The following CFAP92 variants were observed in gnomAD, a reference collection of about 807,000 sequenced individuals.
CFAP92 encodes uncharacterized protein CFAP92.
CFAP92 carries 86 observed loss-of-function variants against 106.3 expected under a neutral mutation model. The observed-to-expected ratio is 0.81, with a 90% CI of 0.68 to 0.97. The LOEUF is 0.97. CFAP92 is among the 50% of genes least tolerant of loss of function. CFAP92 has a pLI of 0.00. For missense variants in CFAP92, 1,204 were observed against 1,283.8 expected (o/e 0.94, Z 0.95); for synonymous variants, 477 against 506.4 (o/e 0.94, Z 0.78).
At chr3:128,944,301 A>G (rs991712236) in intron 10 of CFAP92, among the ~76,000 whole-genome samples, 1 of 151,922 alleles carries the variant, frequency 6.6e-6, no homozygotes, top group African/African-American at 2.4e-5. Flanking sequence ...TTGTGTGGAC[A>G]TATGTTTTCA....
At chr3:128,922,897 CT>C (rs1937410510) in intron 12 of CFAP92, among the ~76,000 whole-genome samples, 1 of 152,182 alleles carries the variant, frequency 6.6e-6, no homozygotes, top group South Asian at 2.1e-4. Context: ...TTAAGGATTG[CT>C]TTTTTGCTAT....
chr3:128,986,197 A>T (rs1943846581), intron 4 of CFAP92, among the ~76,000 whole-genome samples: 1 of 152,112 alleles, frequency 6.6e-6, no homozygotes, highest in Non-Finnish European at 1.5e-5. Context: ...GACAACGATA[A>T]TAGTACCATA....
rs147021833 is a variant in CFAP92, at chr3:128,945,788, C to T, written c.1541G>A (p.Arg514Gln). The T allele has an allele frequency of 1.3e-4, 204 of 1,528,172 alleles. No homozygotes were observed. The highest frequency in any genetic ancestry group is 6.6e-4 in the East Asian group (27 of 40,870). The allele number at this position is 1,528,172 out of a possible 1,614,324, so 94.7% of individuals were successfully genotyped here. A position where few individuals can be genotyped will look rare whatever the true frequency, so the allele number is the denominator to read the frequency against. The change falls in exon 10 of 16, where the codon CGG becomes CAG. Residue 514 changes from arginine (R) to glutamine (Q), a missense_variant. Transcript: ENST00000645291. ...GPPMVVEVHDRDRKSEECSQK... is the reference protein window; with the variant it reads ...GPPMVVEVHDQDRKSEECSQK... ...AGAACACTCCTCTGACTTGCGGTCC[C>T]GGTCGTGAACTTCCACCACCATGGG...
chr3:129,000,631 C>T (rs576458253), intron 1 of CFAP92, among the ~76,000 whole-genome samples: 3 of 152,298 alleles, frequency 2.0e-5, no homozygotes, highest in African/African-American at 7.2e-5. Context: ...CTAGCACTCA[C>T]CAGAGAAGCA....
At chr3:129,008,325 T>TC in the CFAP92 span, among the ~76,000 whole-genome samples, 1 of 152,340 alleles carries the variant, frequency 6.6e-6, no homozygotes, top group South Asian at 2.1e-4. Context: ...CTGTCCCTAA[T>TC]CCCTCCATGG....
At chr3:128,917,388 C>T (rs886210429) in intron 12 of CFAP92, among the ~76,000 whole-genome samples, 1 of 152,310 alleles carries the variant, frequency 6.6e-6, no homozygotes, top group Admixed American at 6.5e-5. Context: ...TCCTTTCTTA[C>T]AATTTGAAGT....
intron 15 of CFAP92, among the ~76,000 whole-genome samples, chr3:128,912,149 A>G (rs1936395841): frequency 6.6e-6 from 1 of 152,326 alleles, no homozygotes; most frequent in South Asian, 2.1e-4. Context: ...CCCTGGGGGT[A>G]GCCCAGACAC....
At chr3:128,999,728 T>TGGG (rs150816624) in intron 1 of CFAP92, among the ~76,000 whole-genome samples, 5,449 of 150,640 alleles carry the variant, frequency 0.036, 260 homozygotes, top group African/African-American at 0.1. Flanking sequence ...TTAGTAGAGA[T>TGGG]GGGGGTGGTT....
At position 128,932,859 on chromosome 3, in the gene CFAP92, T is replaced by G; in HGVS notation, c.2592A>C (p.Lys864Asn). 1 of 1,536,166 alleles carries G rather than the reference T, an allele frequency of 6.5e-7. No individual in the cohort carries two copies. The highest frequency in any genetic ancestry group is 8.7e-7 in the Non-Finnish European group (1 of 1,146,914). The change falls in exon 12 of 16, where the codon AAA becomes AAC. Residue 864 changes from lysine to asparagine, a missense_variant. By Grantham distance (94) the Lys-to-Asn change is moderately conservative (BLOSUM62 0). Transcript: ENST00000645291. ...CAGGCTGAGGTGGTAGGGCAAACAGTTTCTCATCTGTGAGTTCTTCTTGCG... is the reference window on the plus strand; with the variant it reads ...CAGGCTGAGGTGGTAGGGCAAACAGGTTCTCATCTGTGAGTTCTTCTTGCG... ...PLSQEELTDE[K>N]LFALPPQPAP...
At chr3:129,015,870 G>A in the CFAP92 span, among the ~76,000 whole-genome samples, 3 of 151,878 alleles carry the variant, frequency 2.0e-5, no homozygotes, top group Admixed American at 6.6e-5. Context: ...CTCAGGAAAC[G>A]CCATGCAGCA....
intron 1 of CFAP92, among the ~76,000 whole-genome samples, chr3:129,001,223 A>G (rs1944720834): frequency 6.6e-6 from 1 of 152,158 alleles, no homozygotes; most frequent in Admixed American, 6.5e-5. Flanking sequence ...CAGGTCTCGG[A>G]GCGAACTCTC....
Position 128,915,504 on chromosome 3 carries a change from C to T in CFAP92, c.2976G>A (p.Leu992=), listed in dbSNP as rs1435057845. The change falls in exon 14 of 16, where the codon CTG becomes CTA. Residue 992 remains leucine (L), a synonymous_variant. Coordinates refer to ENST00000645291, the MANE Select transcript of CFAP92 (RefSeq NM_001394090.1). ...QDYLSAMVEP[L]DLKEEEKKAQ... is the part of the protein sequence containing the mutation. ...CTTTCTTCTCCTCTTCCTTCAAGTC[C>T]AGGGGCTCCACCATGGCTGAGAGGT... 1.3e-6 allele frequency: 2 copies of T among 1,535,874 alleles called. No individual in the cohort carries two copies. The highest frequency in any genetic ancestry group is 1.4e-5 in the African/African-American group (1 of 73,010).
Position 128,929,848 on chromosome 3 carries a change from T to C in CFAP92, c.2751+2852A>G, listed in dbSNP as rs555472504. On this transcript the variant is annotated intron_variant, in intron 12 of 15. Transcript: ENST00000645291. ...ATGTTCTAAAACTGGATTGTGATGATGGTGTTATAACTATAAATTTACTAA... is the reference window on the plus strand; with the variant it reads ...ATGTTCTAAAACTGGATTGTGATGACGGTGTTATAACTATAAATTTACTAA... Among the ~76,000 whole-genome samples the C allele has an allele frequency of 5.9e-5, 9 of 152,354 alleles. No individual in the cohort carries two copies. In the East Asian group the frequency reaches 1.7e-3, roughly 29 times the overall value.
intron 9 of CFAP92, among the ~76,000 whole-genome samples, chr3:128,950,065 T>A (rs746966062): frequency 6.6e-6 from 1 of 151,394 alleles, no homozygotes; most frequent in Non-Finnish European, 1.5e-5. Context: ...AAAATTTGTT[T>A]TTTAAAAAAA....
At chr3:129,025,439 G>A in the CFAP92 span, among the ~76,000 whole-genome samples, 3 of 152,232 alleles carry the variant, frequency 2.0e-5, no homozygotes, top group African/African-American at 7.2e-5. Flanking sequence ...AGTCAAATGC[G>A]TGCTGAGAAC....
intron 12 of CFAP92, among the ~76,000 whole-genome samples, chr3:128,928,406 CAACT>C (rs998675734): frequency 9.9e-5 from 15 of 152,098 alleles, no homozygotes; most frequent in African/African-American, 2.2e-4. Context: ...TTACACAATC[CAACT>C]AACTAACTAT....
chr3:128,924,101 C>T (rs907635827), intron 12 of CFAP92, among the ~76,000 whole-genome samples: 2 of 151,870 alleles, frequency 1.3e-5, no homozygotes, highest in African/African-American at 4.8e-5. Context: ...GGCGGTTTTA[C>T]AAAAAAGAAA....
chr3:128,914,489 C>G (rs2107675906), intron 15 of CFAP92: 1 of 152,386 alleles, frequency 6.6e-6, no homozygotes, highest in East Asian at 1.9e-4. Flanking sequence ...ACCTAGTTTT[C>G]TGGGAGAAGT....
At chr3:128,998,326 T>C (rs1238322556), upstream of CFAP92, among the ~76,000 whole-genome samples, 1 of 152,232 alleles carries the variant, frequency 6.6e-6, no homozygotes, top group Non-Finnish European at 1.5e-5. Flanking sequence ...ATTTTTTTCT[T>C]TTTTGGATCA....
Sources: gnomAD v4.1 joint callset for allele counts (sites outside exome capture counted in the v4.1 genomes callset) on GRCh38, gnomAD v4.1.1 for gene constraint, MANE v1.5 for transcripts, NCBI Gene and HGNC (gene_info 2026-07-23, HGNC 2026-07-21) for gene names.